WDR20: variants seen among roughly 807,000 people sequenced by gnomAD.
WDR20 encodes the protein WD repeat-containing protein 20.
A neutral mutation model predicts 38.7 loss-of-function variants in WDR20; 3 were observed. That is an observed-to-expected ratio of 0.08 (90% CI 0.04 to 0.20). WDR20 has a LOEUF of 0.20. WDR20 is among the 10% of genes least tolerant of loss of function. The pLI, the probability that WDR20 is intolerant of heterozygous loss-of-function variation, is 1.00. For synonymous variants in WDR20, 298 were observed against 285.6 expected, an observed-to-expected ratio of 1.04 and a Z score of -0.44; for missense variants, 559 against 727.7, an observed-to-expected ratio of 0.77 and a Z score of 2.67.
At chr14:102,204,958 A>T (rs2061249097) in intron 2 of WDR20, among the ~76,000 whole-genome samples, 1 of 152,208 alleles carries the variant, frequency 6.6e-6, no homozygotes, top group South Asian at 2.1e-4. Context: ...GTACAAATAC[A>T]CTTGGAGGCT....
chr14:102,200,463 TTTTTTGTGTG>T (rs1030412689), intron 2 of WDR20, among the ~76,000 whole-genome samples: 2 of 99,702 alleles, frequency 2.0e-5, no homozygotes, highest in African/African-American at 5.0e-5. Flanking sequence ...TTAAATTTTT[TTTTTTGTGTG>T]TGTGTGTGTG....
intron 1 of WDR20, among the ~76,000 whole-genome samples, chr14:102,191,945 A>T (rs1373524344): frequency 6.6e-6 from 1 of 152,244 alleles, no homozygotes. Flanking sequence ...ACTGAAAAAG[A>T]CATACAGAAT....
At chr14:102,152,002 A>G (rs1384401889) in intron 1 of WDR20, among the ~76,000 whole-genome samples, 2 of 151,534 alleles carry the variant, frequency 1.3e-5, no homozygotes, top group African/African-American at 4.9e-5. Flanking sequence ...ACTCACTGCA[A>G]CCTCCGCTTC....
At chr14:102,213,417 A>G, downstream of WDR20, 1 of 985,456 alleles carries the variant, frequency 1.0e-6, no homozygotes, top group South Asian at 4.7e-5. Context: ...TGAACCTTCT[A>G]GCAGTTTGGA....
chr14:102,139,524 G>A, upstream of WDR20: 1 of 1,073,586 alleles, frequency 9.3e-7, no homozygotes, highest in Non-Finnish European at 1.3e-6. Flanking sequence ...GACCGCTGAG[G>A]AGGCACCCTC....
chr14:102,214,142 T>TG (rs2062913296), downstream of WDR20: 18 of 985,620 alleles, frequency 1.8e-5, no homozygotes, highest in Non-Finnish European at 2.2e-5. Flanking sequence ...AACCTCCACA[T>TG]GCGTGGGTAG....
chr14:102,188,587 G>A (rs941969063), intron 1 of WDR20, among the ~76,000 whole-genome samples: 3 of 152,082 alleles, frequency 2.0e-5, no homozygotes, highest in Non-Finnish European at 4.4e-5. Context: ...AAAAATTCCA[G>A]CCAGGCATGG....
chr14:102,141,704 A>G (rs886394331), intron 1 of WDR20, among the ~76,000 whole-genome samples: 1 of 152,148 alleles, frequency 6.6e-6, no homozygotes, highest in Non-Finnish European at 1.5e-5. Flanking sequence ...GCCCTGAAAC[A>G]CTCAGTAGAT....
chr14:102,189,117 G>A (rs2065682520), intron 1 of WDR20, among the ~76,000 whole-genome samples: 1 of 152,064 alleles, frequency 6.6e-6, no homozygotes. Flanking sequence ...GGCTGAGGCA[G>A]GAGAATCACT....
At chr14:102,172,557 C>G (rs1390422080) in intron 1 of WDR20, among the ~76,000 whole-genome samples, 1 of 147,342 alleles carries the variant, frequency 6.8e-6, no homozygotes, top group East Asian at 2.0e-4. Flanking sequence ...ACCTCCCTCC[C>G]GGACGGGGCG....
chr14:102,200,456 A>ATTTTTTTTTTTTTTT (rs1460888139), intron 2 of WDR20, among the ~76,000 whole-genome samples: 1 of 76,668 alleles, frequency 1.3e-5, no homozygotes, highest in East Asian at 3.1e-4. Context: ...TTACTTTTTA[A>ATTTTTTTTTTTTTTT]ATTTTTTTTT....
At chr14:102,200,461 TTTTTTTTGTG>T (rs900688631) in intron 2 of WDR20, among the ~76,000 whole-genome samples, 22 of 100,678 alleles carry the variant, frequency 2.2e-4, no homozygotes, top group Non-Finnish European at 4.1e-4. Context: ...TTTTAAATTT[TTTTTTTTGTG>T]TGTGTGTGTG....
At chr14:102,156,320 C>A (rs2057372072) in intron 1 of WDR20, among the ~76,000 whole-genome samples, 1 of 151,516 alleles carries the variant, frequency 6.6e-6, no homozygotes. Context: ...GGCACCCACC[C>A]CCACGTCCAG....
At chr14:102,214,997 A>T (rs1249451010), downstream of WDR20, 10 of 984,206 alleles carry the variant, frequency 1.0e-5, no homozygotes, top group Admixed American at 5.5e-4. Flanking sequence ...TGTGTGAGTG[A>T]ACTGTAAATG....
At chr14:102,206,734 G>A (rs953581148) in intron 2 of WDR20, among the ~76,000 whole-genome samples, 13 of 152,176 alleles carry the variant, frequency 8.5e-5, no homozygotes, top group Admixed American at 5.9e-4. Context: ...GGCCCTGGGC[G>A]ATCAGGTACA....
rs61992511 is a variant in WDR20 at position 102,148,265 on chromosome 14, A to G, written c.249+8093A>G. Among the ~76,000 whole-genome samples the G allele has an allele frequency of 3.0e-3, 450 of 152,268 alleles. 1 individual carries two copies. The highest frequency in any genetic ancestry group is 4.9e-3 in the Non-Finnish European group (333 of 68,026). On this transcript the variant is annotated intron_variant, in intron 1 of 2. Coordinates refer to ENST00000342702, the MANE Select transcript of WDR20 (RefSeq NM_144574.4). ...ACTTGAAATTGACAGCATCAGTGAC[A>G]AGTTACCTTGGCTCTTGCCCTTAAT...
At chr14:102,176,018 C>G (rs2061978580) in intron 1 of WDR20, among the ~76,000 whole-genome samples, 1 of 152,108 alleles carries the variant, frequency 6.6e-6, no homozygotes, top group Admixed American at 6.6e-5. Context: ...GTTTGACTTC[C>G]TCTTTACTGA....
intron 1 of WDR20, among the ~76,000 whole-genome samples, chr14:102,173,177 A>G (rs1028629269): frequency 6.6e-6 from 1 of 151,116 alleles, no homozygotes; most frequent in Non-Finnish European, 1.5e-5. Context: ...CAGTGGTACC[A>G]TCTCAGCTCA....
At chr14:102,178,378 T>G (rs2062621395) in intron 1 of WDR20, among the ~76,000 whole-genome samples, 1 of 131,082 alleles carries the variant, frequency 7.6e-6, no homozygotes. Context: ...GGCTACAGAG[T>G]GCGACTCTGT....
Sources: gnomAD v4.1 joint callset for allele counts (sites outside exome capture counted in the v4.1 genomes callset) on GRCh38, gnomAD v4.1.1 for gene constraint, MANE v1.5 for transcripts, NCBI Gene and HGNC (gene_info 2026-07-23, HGNC 2026-07-21) for gene names.